Variants in PDLIM5 observed in about 807,000 individuals in gnomAD.
PDLIM5 encodes PDZ and LIM domain protein 5.
A neutral mutation model predicts 64.2 loss-of-function variants in PDLIM5; 34 were observed. That is an observed-to-expected ratio of 0.53 (90% CI 0.40 to 0.71). The LOEUF is 0.71. Among genes scored for constraint, PDLIM5 ranks in the 30% least tolerant of loss-of-function variants. The pLI is 0.00. For missense variants in PDLIM5, 683 were observed against 733.6 expected, an observed-to-expected ratio of 0.93 and a Z score of 0.80; for synonymous variants, 253 against 269.1, an observed-to-expected ratio of 0.94 and a Z score of 0.59.
chr4:94,537,405 G>A (rs1316795389), intron 3 of PDLIM5, among the ~76,000 whole-genome samples: 1 of 151,970 alleles, frequency 6.6e-6, no homozygotes. Context: ...GAGAATTTCT[G>A]GTACACAAAT....
chr4:94,659,329 T>C (rs1742467368), intron 11 of PDLIM5, among the ~76,000 whole-genome samples: 1 of 152,132 alleles, frequency 6.6e-6, no homozygotes, highest in African/African-American at 2.4e-5. Flanking sequence ...TATTCATTTA[T>C]TTCTCTCCAT....
At chr4:94,588,389 C>T (rs1044920763) in intron 7 of PDLIM5, among the ~76,000 whole-genome samples, 1 of 152,030 alleles carries the variant, frequency 6.6e-6, no homozygotes, top group South Asian at 2.1e-4. Flanking sequence ...CATGGAGAAA[C>T]CCCATCTCTA....
intron 3 of PDLIM5, among the ~76,000 whole-genome samples, chr4:94,524,499 G>A (rs549982465): frequency 8.6e-5 from 13 of 151,682 alleles, no homozygotes; most frequent in African/African-American, 3.1e-4. Context: ...TATATTAAAG[G>A]GTATTCTTTT....
chr4:94,579,271 A>G (rs1369981426), intron 5 of PDLIM5: 2 of 261,226 alleles, frequency 7.7e-6, no homozygotes, highest in African/African-American at 2.2e-5. Context: ...TTTATATTTC[A>G]AACTGGAAGG....
At chr4:94,570,839 T>G (rs1221132278) in intron 3 of PDLIM5, among the ~76,000 whole-genome samples, 1 of 152,206 alleles carries the variant, frequency 6.6e-6, no homozygotes, top group Non-Finnish European at 1.5e-5. Context: ...TCATAGAAGA[T>G]GAGGCAAACA....
intron 7 of PDLIM5, among the ~76,000 whole-genome samples, chr4:94,596,892 G>A (rs777589645): frequency 7.2e-5 from 11 of 152,042 alleles, no homozygotes; most frequent in Non-Finnish European, 1.6e-4. Context: ...ATGTGTCCAT[G>A]TATTCTCTTT....
At chr4:94,610,120 C>T (rs1738244925) in intron 7 of PDLIM5, 2 of 1,267,514 alleles carry the variant, frequency 1.6e-6, no homozygotes, top group Non-Finnish European at 2.2e-6. Flanking sequence ...TTCTCACTTT[C>T]CTTTTTGTTC....
intron 2 of PDLIM5, among the ~76,000 whole-genome samples, chr4:94,459,663 C>T (rs1164178359): frequency 6.6e-6 from 1 of 152,118 alleles, no homozygotes; most frequent in African/African-American, 2.4e-5. Context: ...TAGACAGTGT[C>T]GTAAGACCTG....
At chr4:94,632,019 C>T (rs970292809) in intron 8 of PDLIM5, among the ~76,000 whole-genome samples, 1 of 152,256 alleles carries the variant, frequency 6.6e-6, no homozygotes, top group African/African-American at 2.4e-5. Flanking sequence ...CTTTAACATG[C>T]ATGTGCTGTC....
intron 2 of PDLIM5, among the ~76,000 whole-genome samples, chr4:94,520,910 G>T (rs1284617314): frequency 1.3e-5 from 2 of 152,196 alleles, no homozygotes; most frequent in African/African-American, 4.8e-5. Flanking sequence ...ATGTTGATGG[G>T]CATTTGTTTC....
intron 8 of PDLIM5, among the ~76,000 whole-genome samples, chr4:94,623,668 T>C (rs187705530): frequency 1.3e-5 from 2 of 152,254 alleles, no homozygotes; most frequent in African/African-American, 4.8e-5. Flanking sequence ...CCTCAGTAAA[T>C]GTCCCCGAGA....
intron 3 of PDLIM5, among the ~76,000 whole-genome samples, chr4:94,554,641 A>G (rs1733104550): frequency 6.6e-6 from 1 of 152,234 alleles, no homozygotes; most frequent in African/African-American, 2.4e-5. Context: ...TAATTTTGAC[A>G]AATGCATATG....
intron 7 of PDLIM5, among the ~76,000 whole-genome samples, chr4:94,593,887 G>C (rs1736863269): frequency 6.6e-6 from 1 of 152,054 alleles, no homozygotes; most frequent in Non-Finnish European, 1.5e-5. Context: ...TGGATGACAG[G>C]TATCTGTCTC....
chr4:94,538,502 A>T (rs1238806464), intron 3 of PDLIM5, among the ~76,000 whole-genome samples: 1 of 152,160 alleles, frequency 6.6e-6, no homozygotes, highest in African/African-American at 2.4e-5. Flanking sequence ...GGAAGAACAG[A>T]TTGGTATTAA....
chr4:94,516,799 T>G (rs1343305815), intron 2 of PDLIM5, among the ~76,000 whole-genome samples: 1 of 152,152 alleles, frequency 6.6e-6, no homozygotes, highest in Non-Finnish European at 1.5e-5. Context: ...CCCAAAGTGC[T>G]AGTATTACAG....
intron 7 of PDLIM5, chr4:94,588,303 C>T: frequency 2.7e-6 from 1 of 367,632 alleles, no homozygotes; most frequent in Non-Finnish European, 3.8e-6. Context: ...GTGGCTCACG[C>T]CTGTAATCCC....
Position 94,523,723 on chromosome 4 carries a change from G to A in PDLIM5, c.97-1G>A. 1 of 1,609,460 alleles carries A rather than the reference G, an allele frequency of 6.2e-7. No individual in the cohort carries two copies. Among genetic ancestry groups the A allele is most frequent in the Non-Finnish European group, 8.5e-7 (1 of 1,176,274 alleles). On this transcript the variant is annotated splice_acceptor_variant, in intron 2 of 12. Transcript: ENST00000317968. LOFTEE classifies it high-confidence loss of function. ...CTCCTAATGAAATATATTTATTACA[G>A]CTAAAAGATGGCGGCAAGGCAGCCC...
Position 94,455,264 on chromosome 4 carries a change from C to T in PDLIM5, c.-25C>T. 4 of 1,390,102 alleles carry T rather than the reference C, an allele frequency of 2.9e-6. No individual in the cohort carries two copies. The highest frequency in any genetic ancestry group is 3.1e-6 in the Non-Finnish European group (3 of 979,286). The allele number at this position is 1,390,102 out of a possible 1,614,324, so 86.1% of individuals were successfully genotyped here. A position where few individuals can be genotyped will look rare whatever the true frequency, so the allele number is the denominator to read the frequency against. On this transcript the variant is annotated 5_prime_UTR_variant, in exon 2 of 13. Transcript: ENST00000317968. Reference sequence around the variant, plus strand: ...TTTCACAGCATATTTCATTTTCTGTCATTGGACTTTGAGCCATTAGAACCA... The same window carrying T: ...TTTCACAGCATATTTCATTTTCTGTTATTGGACTTTGAGCCATTAGAACCA...
intron 2 of PDLIM5, among the ~76,000 whole-genome samples, chr4:94,507,875 G>A (rs1035256963): frequency 3.9e-5 from 6 of 152,192 alleles, no homozygotes; most frequent in Non-Finnish European, 7.3e-5. Context: ...GAAATACTCT[G>A]CCAGGCAAAC....
Sources: gnomAD v4.1 joint callset for allele counts (sites outside exome capture counted in the v4.1 genomes callset) on GRCh38, gnomAD v4.1.1 for gene constraint, MANE v1.5 for transcripts, NCBI Gene and HGNC (gene_info 2026-07-23, HGNC 2026-07-21) for gene names.